The following SCAI variants were observed in gnomAD, a reference collection of about 807,000 sequenced individuals.
The protein encoded by SCAI is protein SCAI.
In SCAI, 24 loss-of-function variants were observed where a neutral mutation model predicts 92.2. The ratio of observed to expected loss-of-function variants is 0.26; its 90% CI spans 0.19 to 0.37. The LOEUF is 0.37. Among genes scored for constraint, SCAI ranks in the 10% least tolerant of loss-of-function variants. SCAI has a pLI of 1.00. For synonymous variants in SCAI, 261 were observed against 258.6 expected, an observed-to-expected ratio of 1.01 and a Z score of -0.09; for missense variants, 450 against 736.2, an observed-to-expected ratio of 0.61 and a Z score of 4.50.
chr9:125,040,636 ATTT>A (rs2131107852), intron 3 of SCAI, among the ~76,000 whole-genome samples: 1 of 151,576 alleles, frequency 6.6e-6, no homozygotes, highest in Non-Finnish European at 1.5e-5. Context: ...TTATTTATTT[ATTT>A]ATTTAGAGAC....
intron 3 of SCAI, among the ~76,000 whole-genome samples, chr9:125,046,560 T>C (rs887271634): frequency 6.7e-6 from 1 of 149,168 alleles, no homozygotes; most frequent in Non-Finnish European, 1.5e-5. Flanking sequence ...CACGATAGGG[T>C]AGGAGGGGCG....
intron 2 of SCAI, among the ~76,000 whole-genome samples, chr9:125,068,921 T>C (rs1002634239): frequency 6.6e-6 from 1 of 150,904 alleles, no homozygotes; most frequent in Non-Finnish European, 1.5e-5. Context: ...AATAAAAATA[T>C]AACAAAAAAT....
At chr9:124,989,875 T>TCA (rs967755323) in intron 14 of SCAI, among the ~76,000 whole-genome samples, 5 of 111,218 alleles carry the variant, frequency 4.5e-5, no homozygotes, top group Non-Finnish European at 7.2e-5. Flanking sequence ...AGACTGCATC[T>TCA]CACACACACA....
At chr9:125,116,034 G>GA (rs1177542698) in intron 2 of SCAI, among the ~76,000 whole-genome samples, 2 of 151,984 alleles carry the variant, frequency 1.3e-5, no homozygotes, top group African/African-American at 4.8e-5. Context: ...ATCTCTATCA[G>GA]AAAAAACAAT....
At chr9:125,132,279 A>C (rs1418175551) in intron 2 of SCAI, among the ~76,000 whole-genome samples, 1 of 151,946 alleles carries the variant, frequency 6.6e-6, no homozygotes, top group African/African-American at 2.4e-5. Flanking sequence ...ACGCCTGGCT[A>C]GTTTTTGTAT....
intron 2 of SCAI, among the ~76,000 whole-genome samples, chr9:125,108,515 C>T (rs1333671036): frequency 6.6e-6 from 1 of 151,836 alleles, no homozygotes; most frequent in Non-Finnish European, 1.5e-5. Context: ...GCGTCTCTGC[C>T]CGGCTGCGAC....
intron 12 of SCAI, among the ~76,000 whole-genome samples, chr9:125,001,158 A>G (rs1329538767): frequency 6.6e-6 from 1 of 152,242 alleles, no homozygotes; most frequent in African/African-American, 2.4e-5. Context: ...CACTGCAATG[A>G]AAAGGCTAAA....
intron 2 of SCAI, among the ~76,000 whole-genome samples, chr9:125,130,985 T>G (rs190340505): frequency 1.4e-5 from 2 of 144,364 alleles, no homozygotes; most frequent in African/African-American, 5.1e-5. Context: ...CTCACTATAT[T>G]GTGCAGGCTG....
At chr9:125,108,751 C>A (rs926680873) in intron 2 of SCAI, among the ~76,000 whole-genome samples, 2 of 151,482 alleles carry the variant, frequency 1.3e-5, no homozygotes, top group Non-Finnish European at 1.5e-5. Flanking sequence ...AGCGTCTCCG[C>A]CCGGCAGCCG....
At chr9:125,090,734 A>G (rs1181764196) in intron 2 of SCAI, among the ~76,000 whole-genome samples, 2 of 152,126 alleles carry the variant, frequency 1.3e-5, no homozygotes, top group Non-Finnish European at 2.9e-5. Context: ...CAGCCTCCCA[A>G]ACTGCTGGGA....
At chr9:125,075,399 GTTTCATTCTTTCT>G (rs1834067824) in intron 2 of SCAI, among the ~76,000 whole-genome samples, 1 of 150,720 alleles carries the variant, frequency 6.6e-6, no homozygotes, top group Admixed American at 6.6e-5. Context: ...CCACATAGAT[GTTTCATTCTTTCT>G]TTTTTTTTTT....
In SCAI at chr9:125,062,602, A is replaced by C. The variant is rs1407625182; in HGVS notation, c.99-6595T>G. On this transcript the variant is annotated intron_variant, in intron 2 of 17. Transcript: ENST00000336505. ...AAACCCCATCTCTACTAAAAATACAAAAATTAGCTGGGTGTGGTGGCACAC... is the reference window on the plus strand; with the variant it reads ...AAACCCCATCTCTACTAAAAATACACAAATTAGCTGGGTGTGGTGGCACAC... Among the ~76,000 whole-genome samples, 6 of 151,858 alleles carry C rather than the reference A, an allele frequency of 4.0e-5. No individual in the cohort carries two copies. In the East Asian group the frequency reaches 1.2e-3, roughly 30 times the overall value.
At chr9:125,117,775 C>A (rs1835077909) in intron 2 of SCAI, among the ~76,000 whole-genome samples, 1 of 151,864 alleles carries the variant, frequency 6.6e-6, no homozygotes, top group African/African-American at 2.4e-5. Context: ...TCAATAAACC[C>A]TCACAGGAAA....
intron 2 of SCAI, among the ~76,000 whole-genome samples, chr9:125,057,115 G>A (rs985268435): frequency 2.0e-5 from 3 of 152,220 alleles, no homozygotes; most frequent in African/African-American, 4.8e-5. Context: ...TGGTCCTGGT[G>A]TAGGATGTAA....
At chr9:125,007,433 T>A (rs1391718012) in intron 9 of SCAI, among the ~76,000 whole-genome samples, 1 of 152,110 alleles carries the variant, frequency 6.6e-6, no homozygotes, top group Non-Finnish European at 1.5e-5. Flanking sequence ...TTCATGCCTA[T>A]AATCCCAACA....
chr9:124,987,301 T>C lies in SCAI; in HGVS notation c.1326+7633A>G, dbSNP rs533358761. The stretch of plus-strand genomic sequence containing the variant: ...CCTCCCAAAGTGCTGGGATTACAAG[T>C]GTAAGCCACTGCACCTGGATGGCTT... On this transcript the variant is annotated intron_variant, in intron 14 of 17. Transcript: ENST00000336505. Among the ~76,000 whole-genome samples, 30 of 150,926 alleles carry C rather than the reference T, an allele frequency of 2.0e-4. No homozygotes were observed. The South Asian group carries it at 3.8e-3, about 19-fold the overall frequency.
intron 14 of SCAI, among the ~76,000 whole-genome samples, chr9:124,986,827 G>A (rs889208204): frequency 6.6e-6 from 1 of 152,200 alleles, no homozygotes; most frequent in Non-Finnish European, 1.5e-5. Flanking sequence ...ACTGAATCCT[G>A]TTGTGAATGC....
At chr9:125,102,553 C>A (rs766782354) in intron 2 of SCAI, among the ~76,000 whole-genome samples, 3 of 152,022 alleles carry the variant, frequency 2.0e-5, no homozygotes, top group Non-Finnish European at 4.4e-5. Flanking sequence ...CTCCCTCAGC[C>A]TTCAAACATG....
intron 14 of SCAI, among the ~76,000 whole-genome samples, chr9:124,991,834 C>G (rs1232061804): frequency 6.6e-6 from 1 of 152,132 alleles, no homozygotes; most frequent in African/African-American, 2.4e-5. Context: ...AAGACTCTGT[C>G]TCAAAAACAA....
Sources: gnomAD v4.1 joint callset for allele counts (sites outside exome capture counted in the v4.1 genomes callset) on GRCh38, gnomAD v4.1.1 for gene constraint, MANE v1.5 for transcripts, NCBI Gene and HGNC (gene_info 2026-07-23, HGNC 2026-07-21) for gene names.